DNAJC6: variants seen among roughly 807,000 people sequenced by gnomAD.
DNAJC6 encodes auxilin.
Under a neutral mutation model 110.0 loss-of-function variants are expected in DNAJC6, and 34 were observed. That is an observed-to-expected ratio of 0.31 (90% CI 0.24 to 0.41). The LOEUF (loss-of-function observed/expected upper bound fraction) is 0.41, where lower values mean the gene tolerates loss of function less well. Among genes scored for constraint, DNAJC6 ranks in the 10% least tolerant of loss-of-function variants. The pLI, the probability that DNAJC6 is intolerant of heterozygous loss-of-function variation, is 1.00. For synonymous variants in DNAJC6, 406 were observed against 437.2 expected (o/e 0.93, Z 0.89); for missense variants, 1,031 against 1,207.8 (o/e 0.85, Z 2.17).
intron 1 of DNAJC6, among the ~76,000 whole-genome samples, chr1:65,290,004 T>G (rs955975034): frequency 6.6e-6 from 1 of 152,168 alleles, no homozygotes; most frequent in Non-Finnish European, 1.5e-5. Context: ...AAGATGGGGT[T>G]TCACCATGTT....
chr1:65,406,763 A>G (rs997141304), intron 16 of DNAJC6, among the ~76,000 whole-genome samples: 2 of 152,168 alleles, frequency 1.3e-5, no homozygotes, highest in African/African-American at 4.8e-5. Context: ...ATATTTTTGC[A>G]TAGGAAGGAT....
At chr1:65,297,965 C>T (rs891723998) in intron 1 of DNAJC6, among the ~76,000 whole-genome samples, 2 of 152,076 alleles carry the variant, frequency 1.3e-5, no homozygotes, top group African/African-American at 4.8e-5. Context: ...ACTTTAACCC[C>T]CTATGATTCC....
upstream of DNAJC6, among the ~76,000 whole-genome samples, chr1:65,307,006 CTCTCTCTCTCTCTATA>C (rs1362848565): frequency 1.8e-3 from 180 of 98,784 alleles, 2 homozygotes; most frequent in African/African-American, 5.9e-3. Flanking sequence ...CTCTCTCTCT[CTCTCTCTCTCTCTATA>C]TATATATATA....
At chr1:65,324,752 C>T (rs1423798186) in intron 1 of DNAJC6, among the ~76,000 whole-genome samples, 1 of 152,174 alleles carries the variant, frequency 6.6e-6, no homozygotes, top group Non-Finnish European at 1.5e-5. Flanking sequence ...CCTCCTGGGA[C>T]ATTTGGTAAT....
chr1:65,265,179 A>C (rs1749971), intron 1 of DNAJC6, among the ~76,000 whole-genome samples: 3 of 152,004 alleles, frequency 2.0e-5, no homozygotes, highest in Non-Finnish European at 4.4e-5. Context: ...CTATTTTTGC[A>C]TTCTTAATCT....
chr1:65,338,532 T>C lies in DNAJC6; in HGVS notation c.194-26103T>C, dbSNP rs570872247. ...ACTTTTGAGGGGTTGCTTTAAAATT[T>C]ATGTTTGTAATTATATAGAATATTT... On this transcript the variant is annotated intron_variant, in intron 1 of 18. Transcript: ENST00000371069. Among the ~76,000 whole-genome samples the C allele has an allele frequency of 2.5e-4, 38 of 152,282 alleles. 2 individuals are homozygous for C. In the South Asian group the frequency reaches 7.9e-3, roughly 32 times the overall value.
intron 13 of DNAJC6, among the ~76,000 whole-genome samples, chr1:65,396,475 A>G (rs951716044): frequency 2.6e-5 from 4 of 152,032 alleles, no homozygotes; most frequent in African/African-American, 9.7e-5. Flanking sequence ...TTCCAGCTGT[A>G]CTGGCCTCTT....
intron 1 of DNAJC6, among the ~76,000 whole-genome samples, chr1:65,294,009 A>G (rs920190689): frequency 1.6e-4 from 24 of 152,218 alleles, no homozygotes; most frequent in African/African-American, 5.8e-4. Flanking sequence ...CTAAAAAACA[A>G]GTTTCTTGTT....
At chr1:65,382,388 A>G (rs988441238) in intron 5 of DNAJC6, among the ~76,000 whole-genome samples, 2 of 152,166 alleles carry the variant, frequency 1.3e-5, no homozygotes, top group African/African-American at 2.4e-5. Context: ...CTCCTGGGAG[A>G]AGGCTTTATT....
chr1:65,279,590 C>G (rs997161595), intron 1 of DNAJC6: 1 of 152,146 alleles, frequency 6.6e-6, no homozygotes, highest in Admixed American at 6.5e-5. Context: ...CATGCACATG[C>G]ATGCACACAC....
intron 1 of DNAJC6, among the ~76,000 whole-genome samples, chr1:65,286,601 T>C (rs538498846): frequency 6.6e-6 from 1 of 152,234 alleles, no homozygotes; most frequent in African/African-American, 2.4e-5. Context: ...CTTTTTAGGG[T>C]TGAAAAGCCC....
chr1:65,265,034 G>A (rs1389374046), intron 1 of DNAJC6: 3 of 1,107,282 alleles, frequency 2.7e-6, no homozygotes, highest in Non-Finnish European at 4.0e-6. Context: ...TGTATTAATG[G>A]CTAGTTTAAA....
chr1:65,365,631 G>A (rs1645638251), intron 2 of DNAJC6, among the ~76,000 whole-genome samples: 1 of 152,112 alleles, frequency 6.6e-6, no homozygotes, highest in Admixed American at 6.6e-5. Flanking sequence ...TCTATTCTGA[G>A]ATTGATTCAG....
chr1:65,337,406 G>T (rs1256434324), intron 1 of DNAJC6, among the ~76,000 whole-genome samples: 1 of 151,564 alleles, frequency 6.6e-6, no homozygotes, highest in East Asian at 1.9e-4. Flanking sequence ...AAAAAGGCTT[G>T]ATTCTTACCC....
intron 1 of DNAJC6, among the ~76,000 whole-genome samples, chr1:65,359,543 T>A (rs1645578644): frequency 6.6e-6 from 1 of 152,196 alleles, no homozygotes; most frequent in Non-Finnish European, 1.5e-5. Context: ...CTCTGTCAAC[T>A]CTGATGTCCT....
chr1:65,408,697 G>C lies in DNAJC6; in HGVS notation c.2548G>C (p.Ala850Pro), dbSNP rs1249441647. 1 of 1,614,076 alleles carries C rather than the reference G, an allele frequency of 6.2e-7. No individual in the cohort carries two copies. The highest frequency in any genetic ancestry group is 8.5e-7 in the Non-Finnish European group (1 of 1,179,968). ...CCTACTCTCTGGTCAAGGTTTCAAT[G>C]CTCACAAAGACAAAAAGGGGCCTCG... ...EDLLSGQGFNAHKDKKGPRTI... is the reference protein window; with the variant it reads ...EDLLSGQGFNPHKDKKGPRTI... The change falls in exon 17 of 19, where the codon GCT (alanine) becomes CCT (proline). Residue 850 changes from alanine to proline, a missense_variant. Ala to Pro is a conservative substitution (Grantham distance 27). Transcript: ENST00000371069.
chr1:65,363,828 A>C (rs1645620508), intron 1 of DNAJC6, among the ~76,000 whole-genome samples: 1 of 152,178 alleles, frequency 6.6e-6, no homozygotes, highest in Non-Finnish European at 1.5e-5. Context: ...ACAAGGGGCC[A>C]AAAAGCGCAA....
chr1:65,269,161 A>G (rs1305362870), intron 1 of DNAJC6, among the ~76,000 whole-genome samples: 1 of 152,072 alleles, frequency 6.6e-6, no homozygotes, highest in Non-Finnish European at 1.5e-5. Context: ...TGAGGTCAGG[A>G]ATTCAAGACC....
At chr1:65,268,959 A>G (rs1455835304) in intron 1 of DNAJC6, among the ~76,000 whole-genome samples, 1 of 152,206 alleles carries the variant, frequency 6.6e-6, no homozygotes, top group Non-Finnish European at 1.5e-5. Flanking sequence ...TAAGAGGTCA[A>G]AGAAAATAGT....
Sources: gnomAD v4.1 joint callset for allele counts (sites outside exome capture counted in the v4.1 genomes callset) on GRCh38, gnomAD v4.1.1 for gene constraint, MANE v1.5 for transcripts, NCBI Gene and HGNC (gene_info 2026-07-23, HGNC 2026-07-21) for gene names.